SCN1A: variants seen among roughly 807,000 people sequenced by gnomAD.
SCN1A encodes the protein sodium voltage-gated channel alpha subunit 1.
Under a neutral mutation model 193.7 loss-of-function variants are expected in SCN1A, and 13 were observed. That is an observed-to-expected ratio of 0.07 (90% CI 0.04 to 0.11). SCN1A has a LOEUF of 0.11. Ranked by LOEUF, SCN1A falls within the 10% of genes least tolerant of loss-of-function variation. The probability of loss-of-function intolerance (pLI) is 1.00; values close to 1 mark genes in which losing one functional copy is unlikely to be tolerated. For missense variants in SCN1A, 1,432 were observed against 2,451.1 expected (o/e 0.58, Z 8.78); for synonymous variants, 781 against 843.6 (o/e 0.93, Z 1.29).
At chr2:166,039,206 T>A (rs982723870) in intron 17 of SCN1A, among the ~76,000 whole-genome samples, 3 of 152,188 alleles carry the variant, frequency 2.0e-5, no homozygotes, top group East Asian at 3.9e-4. Context: ...AACTGAGTAA[T>A]ACGTTAACTT....
At chr2:166,102,389 A>G (rs1175897008) in intron 2 of SCN1A, among the ~76,000 whole-genome samples, 1 of 151,714 alleles carries the variant, frequency 6.6e-6, no homozygotes, top group Non-Finnish European at 1.5e-5. Flanking sequence ...CCAGCTACTC[A>G]GGAGGCTGAG....
intron 2 of SCN1A, among the ~76,000 whole-genome samples, chr2:166,114,182 T>C (rs1689601397): frequency 6.6e-6 from 1 of 152,188 alleles, no homozygotes; most frequent in South Asian, 2.1e-4. Context: ...TTTTCTGCTG[T>C]AAAGTGGTAG....
At chr2:166,143,516 C>A (rs1046478503) in intron 1 of SCN1A, among the ~76,000 whole-genome samples, 4 of 152,110 alleles carry the variant, frequency 2.6e-5, no homozygotes, top group African/African-American at 7.2e-5. Flanking sequence ...ACATGTGTGA[C>A]TAAGGATGTA....
upstream of SCN1A, among the ~76,000 whole-genome samples, chr2:166,128,664 C>T (rs1691494547): frequency 6.6e-6 from 1 of 152,168 alleles, no homozygotes; most frequent in African/African-American, 2.4e-5. Context: ...ACTTTCAACC[C>T]ACTCTCAATT....
chr2:166,050,875 T>A (rs10221646), intron 9 of SCN1A, among the ~76,000 whole-genome samples: 25,598 of 151,296 alleles, frequency 0.17, 2,407 homozygotes, highest in East Asian at 0.27. Context: ...AGATTTACTT[T>A]TAGGTATCAC....
chr2:166,103,140 T>C (rs944631976), intron 2 of SCN1A, among the ~76,000 whole-genome samples: 6 of 151,960 alleles, frequency 3.9e-5, no homozygotes, highest in African/African-American at 1.5e-4. Flanking sequence ...CACAGTTGAA[T>C]AGCAATATAT....
intron 2 of SCN1A, among the ~76,000 whole-genome samples, chr2:166,094,608 A>G (rs745454620): frequency 2.0e-5 from 3 of 152,214 alleles, no homozygotes; most frequent in Non-Finnish European, 4.4e-5. Context: ...TGGATATGAT[A>G]AAAATACCAG....
chr2:166,066,425 TA>T (rs2105949728), intron 4 of SCN1A, among the ~76,000 whole-genome samples: 1 of 152,284 alleles, frequency 6.6e-6, no homozygotes, highest in African/African-American at 2.4e-5. Flanking sequence ...AAGATTATAC[TA>T]ATACCAATCT....
Position 165,991,308 on chromosome 2 carries a change from C to A in SCN1A, c.5967G>T (p.Val1989=). The change falls in exon 29 of 29, where the codon GTG becomes GTT. Residue 1989 remains valine (V), a synonymous_variant. Transcript: ENST00000674923. The part of the protein sequence containing the change: ...TAACPPSYDR[V]TKPIVEKHEQ... ...CATGTTTTTCCACAATTGGCTTTGT[C>A]ACCCGGTCATAGGAAGGTGGACAAG... 1 of 1,613,516 alleles carries A rather than the reference C, an allele frequency of 6.2e-7. No homozygotes were observed. The highest frequency in any genetic ancestry group is 8.5e-7 in the Non-Finnish European group (1 of 1,179,804).
chr2:166,118,468 GC>G (rs1181793943), intron 2 of SCN1A, among the ~76,000 whole-genome samples: 2 of 151,360 alleles, frequency 1.3e-5, no homozygotes, highest in African/African-American at 4.9e-5. Flanking sequence ...CCCTTTAAAG[GC>G]CTTAAATATT....
At chr2:166,116,143 A>C (rs1689835954) in intron 2 of SCN1A, among the ~76,000 whole-genome samples, 1 of 152,246 alleles carries the variant, frequency 6.6e-6, no homozygotes, top group African/African-American at 2.4e-5. Flanking sequence ...CTTTTACTCC[A>C]GGATATAACT....
At chr2:166,110,452 T>G (rs1279997399) in intron 2 of SCN1A, among the ~76,000 whole-genome samples, 2 of 152,164 alleles carry the variant, frequency 1.3e-5, no homozygotes, top group Admixed American at 6.5e-5. Context: ...ATTGCTGATA[T>G]GAAGAAAGTC....
chr2:165,997,506 G>A (rs997013205), intron 26 of SCN1A, among the ~76,000 whole-genome samples: 1 of 151,172 alleles, frequency 6.6e-6, no homozygotes, highest in Non-Finnish European at 1.5e-5. Flanking sequence ...ATAAATAATA[G>A]TCATACAATT....
chr2:166,107,245 C>T (rs1217524324), intron 2 of SCN1A, among the ~76,000 whole-genome samples: 1 of 152,134 alleles, frequency 6.6e-6, no homozygotes, highest in African/African-American at 2.4e-5. Context: ...TGACTTCTAC[C>T]TCCCAGTATA....
rs962521938 is a variant in SCN1A at position 166,115,755 on chromosome 2, C to T, written c.-142+11169G>A. Among the ~76,000 whole-genome samples, 9 of 151,986 alleles carry T rather than the reference C, an allele frequency of 5.9e-5. No individual in the cohort carries two copies. In the South Asian group the frequency reaches 1.0e-3, roughly 18 times the overall value. On this transcript the variant is annotated intron_variant, in intron 2 of 28. Coordinates refer to ENST00000674923, the MANE Select transcript of SCN1A (RefSeq NM_001165963.4). The stretch of plus-strand genomic sequence containing the variant: ...CAATTTCTATTGAGAACCTAGACAC[C>T]GAAAACGGAAGTAGGCAGTGGCAAT...
chr2:166,031,526 C>T (rs928863759), intron 19 of SCN1A, among the ~76,000 whole-genome samples: 1 of 151,964 alleles, frequency 6.6e-6, no homozygotes, highest in African/African-American at 2.4e-5. Context: ...AGAATGTAAT[C>T]AAAACAATTT....
chr2:166,071,446 G>T (rs967187522), intron 4 of SCN1A, among the ~76,000 whole-genome samples: 1 of 152,116 alleles, frequency 6.6e-6, no homozygotes, highest in African/African-American at 2.4e-5. Flanking sequence ...TTCCTCTACT[G>T]TAAAATGAAT....
At chr2:166,107,877 G>A (rs539497325) in intron 2 of SCN1A, among the ~76,000 whole-genome samples, 3 of 152,150 alleles carry the variant, frequency 2.0e-5, no homozygotes, top group African/African-American at 7.2e-5. Flanking sequence ...TAAATATGGT[G>A]CACATACATA....
rs1036076178 is a variant in SCN1A at position 165,988,132 on chromosome 2, T to G, written c.*3113A>C. Reference sequence around the variant, plus strand: ...ATTTAGATAGATTAATTTAGACTGTTAATTTTACTATCTGGACCACCCGAG... The same window carrying G: ...ATTTAGATAGATTAATTTAGACTGTGAATTTTACTATCTGGACCACCCGAG... On this transcript the variant is annotated 3_prime_UTR_variant, in exon 29 of 29. Coordinates refer to ENST00000674923, the MANE Select transcript of SCN1A (RefSeq NM_001165963.4). 5.9e-5 allele frequency: 9 copies of G among 152,172 alleles called. No individual in the cohort carries two copies. The highest frequency in any genetic ancestry group is 2.0e-4 in the Admixed American group (3 of 15,272). The allele number at this position is 152,172 out of a possible 1,614,324, so 9.4% of individuals were successfully genotyped here.
Sources: allele counts gnomAD v4.1 joint callset (sites outside exome capture counted in the v4.1 genomes callset), GRCh38; gene constraint gnomAD v4.1.1; transcripts MANE v1.5; gene names NCBI Gene and HGNC (gene_info 2026-07-23, HGNC 2026-07-21).